DPF3: variants seen among roughly 807,000 people sequenced by gnomAD.
DPF3 encodes double PHD fingers 3.
In DPF3, 18 loss-of-function variants were observed where a neutral mutation model predicts 56.8. The ratio of observed to expected loss-of-function variants is 0.32; its 90% CI spans 0.22 to 0.47. The LOEUF is 0.47. Ranked by LOEUF, DPF3 falls within the 20% of genes least tolerant of loss-of-function variation. The probability of loss-of-function intolerance (pLI) is 1.00; values close to 1 mark genes in which losing one functional copy is unlikely to be tolerated. For missense variants in DPF3, 403 were observed against 488.8 expected (o/e 0.82, Z 1.65); for synonymous variants, 188 against 180.2 (o/e 1.04, Z -0.35).
chr14:72,705,529 T>C (rs1888365051), intron 6 of DPF3, among the ~76,000 whole-genome samples: 1 of 152,162 alleles, frequency 6.6e-6, no homozygotes, highest in Non-Finnish European at 1.5e-5. Context: ...AAAATTTTCT[T>C]CCATGAGTCC....
chr14:72,663,716 A>T (rs1043149122), intron 8 of DPF3, among the ~76,000 whole-genome samples: 1 of 152,158 alleles, frequency 6.6e-6, no homozygotes, highest in African/African-American at 2.4e-5. Flanking sequence ...CAGTGCCTAG[A>T]TCACATTAAG....
At chr14:72,723,027 T>C (rs748070200) in intron 5 of DPF3, among the ~76,000 whole-genome samples, 11 of 148,270 alleles carry the variant, frequency 7.4e-5, no homozygotes, top group Non-Finnish European at 1.2e-4. Flanking sequence ...ATAGTCATGA[T>C]TATGGTTTAT....
rs1050730178 is a variant in DPF3 at position 72,619,383 on chromosome 14, C to T, written c.1067-16G>A. ...CTCCAGCTTCCTGCAAGAAATGAGACGGCTTTAGTAGCAGCCCCTCTGCTA... is the reference window on the plus strand; with the variant it reads ...CTCCAGCTTCCTGCAAGAAATGAGATGGCTTTAGTAGCAGCCCCTCTGCTA... On this transcript the variant is annotated splice_polypyrimidine_tract_variant and intron_variant, in intron 10 of 10. Transcript: ENST00000556509. 21 of 1,535,936 alleles carry T rather than the reference C, an allele frequency of 1.4e-5. No individual in the cohort carries two copies. Among genetic ancestry groups the T allele is most frequent in the African/African-American group, 1.2e-4 (9 of 73,044 alleles).
At chr14:72,764,631 G>A (rs865943252) in intron 2 of DPF3, among the ~76,000 whole-genome samples, 2 of 151,686 alleles carry the variant, frequency 1.3e-5, no homozygotes, top group African/African-American at 4.8e-5. Context: ...TGGGACTACA[G>A]GCGCCCACCA....
chr14:72,672,613 G>T (rs2153570550), intron 8 of DPF3, among the ~76,000 whole-genome samples: 1 of 152,288 alleles, frequency 6.6e-6, no homozygotes, highest in South Asian at 2.1e-4. Flanking sequence ...ATAGCAGACA[G>T]AACCTTGGAG....
chr14:72,880,022 GAATCCAGTTTCTCC>G, intron 1 of DPF3: 1 of 1,382,040 alleles, frequency 7.2e-7, no homozygotes, highest in Non-Finnish European at 9.4e-7. Context: ...CTGTGGTATA[GAATCCAGTTTCTCC>G]CTGTCTGTCT....
At chr14:72,814,086 T>A (rs17121098) in intron 1 of DPF3, among the ~76,000 whole-genome samples, 6,636 of 152,122 alleles carry the variant, frequency 0.044, 520 homozygotes, top group African/African-American at 0.15. Flanking sequence ...CCACTTTTTT[T>A]AAAAACTCCA....
chr14:72,838,161 A>G (rs2140062996), intron 1 of DPF3, among the ~76,000 whole-genome samples: 1 of 152,278 alleles, frequency 6.6e-6, no homozygotes, highest in African/African-American at 2.4e-5. Flanking sequence ...ACTTTCACAA[A>G]ATGGGCCTGC....
intron 1 of DPF3, among the ~76,000 whole-genome samples, chr14:72,838,219 C>T (rs963650852): frequency 2.0e-5 from 3 of 152,254 alleles, no homozygotes; most frequent in African/African-American, 4.8e-5. Flanking sequence ...CCAGGCCGGG[C>T]ACGGTGGCTC....
intron 8 of DPF3, among the ~76,000 whole-genome samples, chr14:72,672,066 C>CACAG (rs1886713212): frequency 7.3e-6 from 1 of 137,788 alleles, no homozygotes; most frequent in East Asian, 2.2e-4. Context: ...CACAGACACA[C>CACAG]ACACACACAC....
In DPF3 at chr14:72,609,334, G is replaced by A. The variant is rs1364821986; in HGVS notation, c.*9963C>T. On this transcript the variant is annotated 3_prime_UTR_variant, in exon 11 of 11. Coordinates refer to ENST00000556509, the MANE Select transcript of DPF3 (RefSeq NM_001280542.3). ...AAGAGAGGTGGGGTGGTCCTGGCAC[G>A]TGGGCCACCAGTCTTCTGAATGAAG... Among the ~76,000 whole-genome samples the A allele has an allele frequency of 3.3e-5, 5 of 152,194 alleles. No individual in the cohort carries two copies. The highest frequency in any genetic ancestry group is 7.3e-5 in the Non-Finnish European group (5 of 68,032).
At chr14:72,768,078 A>G (rs2139935825) in intron 2 of DPF3, among the ~76,000 whole-genome samples, 1 of 152,338 alleles carries the variant, frequency 6.6e-6, no homozygotes, top group South Asian at 2.1e-4. Flanking sequence ...TGATGGCAAA[A>G]TCAAGACATT....
chr14:72,690,511 G>A (rs1452932754), intron 7 of DPF3, among the ~76,000 whole-genome samples: 1 of 143,514 alleles, frequency 7.0e-6, no homozygotes, highest in Non-Finnish European at 1.6e-5. Context: ...CAATACACAT[G>A]CACACAAACA....
chr14:72,646,647 C>A (rs1250314804), intron 8 of DPF3, among the ~76,000 whole-genome samples: 1 of 152,196 alleles, frequency 6.6e-6, no homozygotes, highest in Non-Finnish European at 1.5e-5. Context: ...TTCTCCATCC[C>A]CTTCCTTCAA....
At position 72,852,333 on chromosome 14, in the gene DPF3, T is replaced by C. The variant is rs541803124; in HGVS notation, c.32+41724A>G. Among the ~76,000 whole-genome samples the C allele has an allele frequency of 5.3e-5, 8 of 152,318 alleles. No homozygotes were observed. In the South Asian group the frequency reaches 1.7e-3, roughly 32 times the overall value. On this transcript the variant is annotated intron_variant, in intron 1 of 10. Transcript: ENST00000556509. The stretch of plus-strand genomic sequence containing the variant: ...AGAGTTAAGACAACTGGACTTGTGC[T>C]CAAAAACCCTTCTTTAGTAAAACAA...
chr14:72,650,932 C>T (rs1056630110), intron 8 of DPF3, among the ~76,000 whole-genome samples: 3 of 152,194 alleles, frequency 2.0e-5, no homozygotes, highest in Non-Finnish European at 4.4e-5. Context: ...TCCAAAAATC[C>T]CCAGTTAAAA....
chr14:72,696,014 T>C (rs565099880), intron 6 of DPF3, among the ~76,000 whole-genome samples: 10 of 152,346 alleles, frequency 6.6e-5, no homozygotes, highest in African/African-American at 2.4e-4. Context: ...AGGTGCACTC[T>C]GGATCTGCTT....
chr14:72,615,731 T>C lies in DPF3; in HGVS notation c.*3566A>G, dbSNP rs1884051934. Reference sequence around the variant, plus strand: ...GGGAGCCTTGGGACCTGCTGGCTCCTGCTTCAGGGGCGATGAGTCAGTGAG... The same window carrying C: ...GGGAGCCTTGGGACCTGCTGGCTCCCGCTTCAGGGGCGATGAGTCAGTGAG... On this transcript the variant is annotated 3_prime_UTR_variant, in exon 11 of 11. Transcript: ENST00000556509. Among the ~76,000 whole-genome samples, 1 of 152,256 alleles carries C rather than the reference T, an allele frequency of 6.6e-6. No homozygotes were observed. Among genetic ancestry groups the C allele is most frequent in the African/African-American group, 2.4e-5 (1 of 41,472 alleles).
intron 1 of DPF3, among the ~76,000 whole-genome samples, chr14:72,872,591 CA>C (rs2140113141): frequency 6.6e-6 from 1 of 152,204 alleles, no homozygotes; most frequent in East Asian, 1.9e-4. Context: ...CATATGGAAC[CA>C]AAAAAGAGCC....
Sources: allele counts gnomAD v4.1 joint callset (sites outside exome capture counted in the v4.1 genomes callset), GRCh38; gene constraint gnomAD v4.1.1; transcripts MANE v1.5; gene names NCBI Gene and HGNC (gene_info 2026-07-23, HGNC 2026-07-21).